Variants in RASSF8 observed in about 807,000 individuals in gnomAD.
RASSF8 encodes the protein Ras association domain family member 8.
Under a neutral mutation model 48.5 loss-of-function variants are expected in RASSF8, and 22 were observed. The ratio of observed to expected loss-of-function variants is 0.45; its 90% confidence interval spans 0.32 to 0.65. The LOEUF (loss-of-function observed/expected upper bound fraction) is 0.65, where lower values mean the gene tolerates loss of function less well. Ranked by LOEUF, RASSF8 falls within the 30% of genes least tolerant of loss-of-function variation. The probability of loss-of-function intolerance (pLI) is 0.03; values close to 1 mark genes in which losing one functional copy is unlikely to be tolerated. For missense variants in RASSF8, 418 were observed against 489.2 expected, an observed-to-expected ratio of 0.85 and a Z score of 1.37; for synonymous variants, 127 against 171.5, an observed-to-expected ratio of 0.74 and a Z score of 2.03.
rs758560310 is a variant in RASSF8 at position 25,988,018 on chromosome 12, A to ATTTT, written c.-202-7006_-202-7003dup. ...AGGCATGCACTACCATGCCTGGCTA[A>ATTTT]TTTTTTTTTTTTTTTTGTACTTTTA... On this transcript the variant is annotated intron_variant, in intron 1 of 5. Coordinates refer to ENST00000689635, the MANE Select transcript of RASSF8 (RefSeq NM_001394098.1). Among the ~76,000 whole-genome samples, 395 of 137,894 alleles carry ATTTT rather than the reference A, an allele frequency of 2.9e-3. 3 individuals carry two copies. Among genetic ancestry groups the ATTTT allele is most frequent in the African/African-American group, 9.9e-3 (370 of 37,348 alleles). 90.5% of individuals were successfully genotyped at this position (137,894 alleles called of 152,430 possible).
intron 2 of RASSF8, among the ~76,000 whole-genome samples, chr12:26,041,674 CAT>C (rs201363457): frequency 7.3e-6 from 1 of 136,624 alleles, no homozygotes; most frequent in Admixed American, 7.0e-5. Context: ...CATACATAAA[CAT>C]ATATATATAC....
intron 2 of RASSF8, among the ~76,000 whole-genome samples, chr12:26,042,247 GA>G (rs1316061304): frequency 6.6e-6 from 1 of 152,200 alleles, no homozygotes; most frequent in African/African-American, 2.4e-5. Context: ...CCAAGCCTAG[GA>G]GTGGGAGATA....
At chr12:26,074,700 A>G (rs1343641283), downstream of RASSF8, among the ~76,000 whole-genome samples, 1 of 152,094 alleles carries the variant, frequency 6.6e-6, no homozygotes, top group Non-Finnish European at 1.5e-5. Context: ...AAGAACCACT[A>G]GAGGGGCAAG....
chr12:26,013,545 G>A (rs1942579537), intron 2 of RASSF8, among the ~76,000 whole-genome samples: 1 of 152,202 alleles, frequency 6.6e-6, no homozygotes, highest in South Asian at 2.1e-4. Context: ...ACCTGGAGTA[G>A]TAGCCAGGCC....
intron 1 of RASSF8, among the ~76,000 whole-genome samples, chr12:25,990,420 G>A (rs1941988184): frequency 6.6e-6 from 1 of 152,142 alleles, no homozygotes; most frequent in African/African-American, 2.4e-5. Context: ...TGTAATCCCT[G>A]TGGTATTTTA....
intron 2 of RASSF8, among the ~76,000 whole-genome samples, chr12:26,037,618 G>T (rs945890556): frequency 3.3e-5 from 5 of 152,180 alleles, no homozygotes; most frequent in Admixed American, 3.3e-4. Context: ...CTAGCAATGA[G>T]ATTGGCATAG....
chr12:25,999,038 A>G (rs1942196163), intron 2 of RASSF8, among the ~76,000 whole-genome samples: 1 of 152,220 alleles, frequency 6.6e-6, no homozygotes, highest in Admixed American at 6.5e-5. Context: ...ACAATAAACA[A>G]GACAAAGACC....
At chr12:25,977,189 A>C (rs1019962551) in intron 1 of RASSF8, among the ~76,000 whole-genome samples, 1 of 152,172 alleles carries the variant, frequency 6.6e-6, no homozygotes, top group African/African-American at 2.4e-5. Context: ...TCCTTCCATT[A>C]AGTCATTACA....
At chr12:26,061,850 A>T (rs1943750788) in intron 3 of RASSF8, among the ~76,000 whole-genome samples, 1 of 152,164 alleles carries the variant, frequency 6.6e-6, no homozygotes, top group Non-Finnish European at 1.5e-5. Context: ...AAGCTTTTTT[A>T]TATTGCTGGA....
chr12:26,047,272 G>T (rs2729630), intron 2 of RASSF8, among the ~76,000 whole-genome samples: 2 of 152,108 alleles, frequency 1.3e-5, no homozygotes, highest in South Asian at 4.1e-4. Context: ...AGGTCAAATT[G>T]TAAGGTCCCA....
chr12:26,073,730 A>ACTCTCTCTCTCTCTCT (rs1555171917), downstream of RASSF8, among the ~76,000 whole-genome samples: 2 of 138,158 alleles, frequency 1.4e-5, no homozygotes, highest in African/African-American at 5.7e-5. Context: ...CAAAAGCGAG[A>ACTCTCTCTCTCTCTCT]CTCTCTCTCT....
At chr12:26,016,974 A>C (rs1342359302) in intron 2 of RASSF8, among the ~76,000 whole-genome samples, 5 of 152,100 alleles carry the variant, frequency 3.3e-5, no homozygotes, top group Non-Finnish European at 1.5e-5. Context: ...TTTTTTCCAC[A>C]AATTTATTTG....
intron 1 of RASSF8, among the ~76,000 whole-genome samples, chr12:25,973,304 A>G (rs1941527524): frequency 6.6e-6 from 1 of 152,082 alleles, no homozygotes; most frequent in Non-Finnish European, 1.5e-5. Flanking sequence ...ATGAAGGGGA[A>G]TTGAGAAGAT....
chr12:26,021,170 G>A (rs896320772), intron 2 of RASSF8, among the ~76,000 whole-genome samples: 1 of 151,736 alleles, frequency 6.6e-6, no homozygotes, highest in Non-Finnish European at 1.5e-5. Context: ...AACATAATTG[G>A]TAAAAACTAT....
chr12:26,047,121 A>G (rs553391889), intron 2 of RASSF8, among the ~76,000 whole-genome samples: 2 of 152,330 alleles, frequency 1.3e-5, no homozygotes, highest in East Asian at 3.9e-4. Flanking sequence ...GGAGGGTTGC[A>G]AAGTAGTCTG....
downstream of RASSF8, among the ~76,000 whole-genome samples, chr12:26,077,670 G>A (rs748116083): frequency 3.3e-5 from 5 of 152,180 alleles, no homozygotes; most frequent in Non-Finnish European, 4.4e-5. Context: ...CTGTAGACTT[G>A]TAGTATAGTT....
chr12:26,055,641 G>T (rs781158112), intron 3 of RASSF8, among the ~76,000 whole-genome samples, 195 bp downstream of exon 3: 2 of 151,650 alleles, frequency 1.3e-5, no homozygotes, highest in Non-Finnish European at 2.9e-5. Context: ...GACACCCCTA[G>T]ATTTTACTAA....
At position 25,967,806 on chromosome 12, in the gene RASSF8, G is replaced by T. The variant is rs538776812; in HGVS notation, c.-203+8658G>T. On this transcript the variant is annotated intron_variant, in intron 1 of 5. Transcript: ENST00000689635. ...GGCAGGACAGGCCTCTGCTCTCTGGGGAGGACAGGCACTGACCCCTCTGCA... is the reference window on the plus strand; with the variant it reads ...GGCAGGACAGGCCTCTGCTCTCTGGTGAGGACAGGCACTGACCCCTCTGCA... Among the ~76,000 whole-genome samples, 194 of 152,300 alleles carry T rather than the reference G, an allele frequency of 1.3e-3. 2 individuals are homozygous for T. Among genetic ancestry groups the T allele is most frequent in the African/African-American group, 4.5e-3 (188 of 41,556 alleles).
intron 2 of RASSF8, among the ~76,000 whole-genome samples, chr12:26,027,245 A>G (rs1433774797): frequency 6.6e-6 from 1 of 152,192 alleles, no homozygotes; most frequent in African/African-American, 2.4e-5. Flanking sequence ...TTGGGTAATG[A>G]GAATGTCCCA....
Sources: gnomAD v4.1 joint callset for allele counts (sites outside exome capture counted in the v4.1 genomes callset) on GRCh38, gnomAD v4.1.1 for gene constraint, MANE v1.5 for transcripts, NCBI Gene and HGNC (gene_info 2026-07-23, HGNC 2026-07-21) for gene names.